The following SAMD4B variants were observed in gnomAD, a reference collection of about 807,000 sequenced individuals.
SAMD4B encodes sterile alpha motif domain containing 4B, also known as protein Smaug homolog 2.
SAMD4B carries 5 observed loss-of-function variants against 74.5 expected under a neutral mutation model. The ratio of observed to expected loss-of-function variants is 0.07; its 90% CI spans 0.04 to 0.14. SAMD4B has a LOEUF of 0.14. Among genes scored for constraint, SAMD4B ranks in the 10% least tolerant of loss-of-function variants. The pLI, the probability that SAMD4B is intolerant of heterozygous loss-of-function variation, is 1.00. For missense variants in SAMD4B, 608 were observed against 921.8 expected (o/e 0.66, Z 4.41); for synonymous variants, 373 against 374.9 (o/e 1.00, Z 0.06).
At position 39,385,431 on chromosome 19, in the gene SAMD4B, A is replaced by T. The variant is rs1251635084; in HGVS notation, c.*1904A>T. 5.1e-5 allele frequency: 21 copies of T among 408,122 alleles called. No individual in the cohort carries two copies. The highest frequency in any genetic ancestry group is 7.8e-5 in the Non-Finnish European group (18 of 231,450). The allele number at this position is 408,122 out of a possible 1,614,324, so 25.3% of individuals were successfully genotyped here. On this transcript the variant is annotated 3_prime_UTR_variant, in exon 14 of 14. Transcript: ENST00000610417. The stretch of plus-strand genomic sequence containing the variant: ...CACAGGGAGGCAAGAGCTGCCCCCC[A>T]CCCCACCTGACAGCAGAGTGTGCAG...
chr19:39,359,180 G>A (rs142171891), intron 3 of SAMD4B, among the ~76,000 whole-genome samples: 2 of 152,322 alleles, frequency 1.3e-5, no homozygotes, highest in African/African-American at 4.8e-5. Context: ...GGGGGCTCCT[G>A]TGGGGCAGGC....
downstream of SAMD4B, chr19:39,387,281 GGTATA>G (rs1308691184): frequency 1.5e-5 from 5 of 337,860 alleles, no homozygotes; most frequent in African/African-American, 1.0e-4. Flanking sequence ...ACATAGAAAA[GGTATA>G]GTAAAGATAC....
intron 1 of SAMD4B, among the ~76,000 whole-genome samples, chr19:39,344,393 C>G (rs1490807479): frequency 1.3e-5 from 2 of 151,976 alleles, no homozygotes; most frequent in Non-Finnish European, 2.9e-5. Flanking sequence ...AAACATCCCT[C>G]TGTCATCCCA....
At chr19:39,387,351 A>T (rs1485155886), downstream of SAMD4B, 1 of 198,146 alleles carries the variant, frequency 5.0e-6, no homozygotes, top group African/African-American at 2.3e-5. Flanking sequence ...TGAAACATGC[A>T]GTGCATTACT....
At chr19:39,351,755 T>C (rs1270186710) in intron 1 of SAMD4B, 1 of 151,618 alleles carries the variant, frequency 6.6e-6, no homozygotes, top group Non-Finnish European at 1.5e-5. Context: ...AGGTGGCAAC[T>C]GGTGACATCA....
At position 39,342,438 on chromosome 19, in the gene SAMD4B, C is replaced by CGCGACGGCGGCG. The variant is rs1219605058; in HGVS notation, c.-401_-390dup. ...GGTGACGCACGGCGCGGTGACGCAG[C>CGCGACGGCGGCG]GCGACGGCGGCGGCGGCGGCGGCGG... On this transcript the variant is annotated 5_prime_UTR_variant, in exon 1 of 14. Coordinates refer to ENST00000610417, the MANE Select transcript of SAMD4B (RefSeq NM_001384574.2). 49 of 178,186 alleles carry CGCGACGGCGGCG rather than the reference C, an allele frequency of 2.7e-4. No homozygotes were observed. The highest frequency in any genetic ancestry group is 1.1e-3 in the African/African-American group (45 of 41,492). 11.0% of individuals were successfully genotyped at this position (178,186 alleles called of 1,614,324 possible).
At chr19:39,348,845 G>C (rs1158300308) in intron 1 of SAMD4B, among the ~76,000 whole-genome samples, 1 of 152,136 alleles carries the variant, frequency 6.6e-6, no homozygotes, top group Non-Finnish European at 1.5e-5. Context: ...GATATATTTT[G>C]GGTGTACAGA....
rs1210407201 is a variant in SAMD4B at position 39,347,330 on chromosome 19, A to G, written c.-267+4754A>G. On this transcript the variant is annotated intron_variant, in intron 1 of 13. Coordinates refer to ENST00000610417, the MANE Select transcript of SAMD4B (RefSeq NM_001384574.2). ...AGTTTGAAAATAGTTTCTTCCTTGAATAGATGTGAGATTATGCCAGAAGAT... is the reference window on the plus strand; with the variant it reads ...AGTTTGAAAATAGTTTCTTCCTTGAGTAGATGTGAGATTATGCCAGAAGAT... Among the ~76,000 whole-genome samples, 11 of 152,196 alleles carry G rather than the reference A, an allele frequency of 7.2e-5. No homozygotes were observed. In the East Asian group the frequency reaches 1.5e-3, roughly 21 times the overall value.
chr19:39,362,736 TC>T (rs2076729196), intron 3 of SAMD4B, among the ~76,000 whole-genome samples: 1 of 152,036 alleles, frequency 6.6e-6, no homozygotes, highest in Admixed American at 6.6e-5. Context: ...GAATTCCACT[TC>T]CCTCCACTGT....
downstream of SAMD4B, among the ~76,000 whole-genome samples, chr19:39,390,642 C>T (rs1600617977): frequency 6.6e-6 from 1 of 152,162 alleles, no homozygotes; most frequent in Non-Finnish European, 1.5e-5. Context: ...AAGCCTAATC[C>T]CTGAACTGCA....
chr19:39,356,575 A>T (rs554255328), intron 2 of SAMD4B, 114 bp from the exon 3 acceptor site: 2 of 207,352 alleles, frequency 9.6e-6, no homozygotes, highest in Non-Finnish European at 1.9e-5. Flanking sequence ...GGAGCTCAGC[A>T]GAGCAAGTAC....
In SAMD4B at chr19:39,369,799, A is replaced by G. The variant is rs766741041; in HGVS notation, c.341A>G (p.Glu114Gly). 6.2e-7 allele frequency: 1 copy of G among 1,614,216 alleles called. No individual in the cohort carries two copies. The highest frequency in any genetic ancestry group is 1.1e-5 in the South Asian group (1 of 91,088). ...CAGAAAGTGCTGGCCTACTCAATCG[A>G]GAGCAATGCTTTCATCGAGGAGAGT... ...LLQKVLAYSI[E>G]SNAFIEESRQ... The change falls in exon 4 of 14, where the codon GAG becomes GGG. Residue 114 changes from glutamate to glycine, a missense_variant. By Grantham distance (98) the Glu-to-Gly change is moderately conservative. This residue lies in a region of SAMD4B where 74 missense variants were observed against 182.0 expected (regional missense o/e 0.41). Transcript: ENST00000610417.
intron 3 of SAMD4B, among the ~76,000 whole-genome samples, chr19:39,364,950 TC>T (rs1407472752): frequency 6.6e-6 from 1 of 151,628 alleles, no homozygotes; most frequent in East Asian, 1.9e-4. Context: ...GGTAAAAAGT[TC>T]CCCCCTGGCT....
Position 39,375,521 on chromosome 19 carries a change from G to T in SAMD4B, c.668-129G>T. 8.3e-7 allele frequency: 1 copy of T among 1,200,876 alleles called. No individual in the cohort carries two copies. The highest frequency in any genetic ancestry group is 1.2e-6 in the Non-Finnish European group (1 of 849,062). The allele number at this position is 1,200,876 out of a possible 1,614,324, so 74.4% of individuals were successfully genotyped here. A position where few individuals can be genotyped will look rare whatever the true frequency, so the allele number is the denominator to read the frequency against. On this transcript the variant is annotated intron_variant, in intron 4 of 13. Transcript: ENST00000610417. The surrounding 1 kb of genome is among the most constrained non-coding windows in gnomAD (Gnocchi z 4.1). ...GTATATCTGGTAGGCAGTTACCCTTGGACCCCAGGTCCCTTCCTCTTGGCA... is the reference window on the plus strand; with the variant it reads ...GTATATCTGGTAGGCAGTTACCCTTTGACCCCAGGTCCCTTCCTCTTGGCA...
intron 9 of SAMD4B, among the ~76,000 whole-genome samples, chr19:39,379,343 C>T (rs1200616935): frequency 6.6e-6 from 1 of 152,198 alleles, no homozygotes; most frequent in Non-Finnish European, 1.5e-5. Flanking sequence ...TTTCCTCCTC[C>T]TCACCCCTCA....
At chr19:39,386,376 C>G (rs763774888), downstream of SAMD4B, 5 of 1,614,180 alleles carry the variant, frequency 3.1e-6, no homozygotes. The surrounding 1 kb of genome is among the most constrained non-coding windows in gnomAD (Gnocchi z 6.1). Flanking sequence ...CTCCTTCTCA[C>G]TGCTGCTGCC....
chr19:39,359,544 A>G (rs551832916), intron 3 of SAMD4B, among the ~76,000 whole-genome samples: 15 of 152,162 alleles, frequency 9.9e-5, no homozygotes, highest in Non-Finnish European at 1.3e-4. Context: ...TCACTTACCA[A>G]TATGATTTGA....
intron 4 of SAMD4B, among the ~76,000 whole-genome samples, chr19:39,374,540 G>T (rs1328634483): frequency 6.6e-6 from 1 of 152,168 alleles, no homozygotes; most frequent in Non-Finnish European, 1.5e-5. Flanking sequence ...CTAGCAGGGG[G>T]TGTAGTTAAT....
At chr19:39,389,165 C>G, downstream of SAMD4B, 2 of 1,614,162 alleles carry the variant, frequency 1.2e-6, no homozygotes, top group Non-Finnish European at 1.7e-6. The surrounding 1 kb of genome is among the most constrained non-coding windows in gnomAD (Gnocchi z 5.3). Flanking sequence ...ATATTTCTTC[C>G]TCGGTAAACT....
Sources: gnomAD v4.1 joint callset for allele counts (sites outside exome capture counted in the v4.1 genomes callset) on GRCh38, gnomAD v4.1.1 for gene constraint, gnomAD v4.1.1 regional missense constraint, Gnocchi (gnomAD v3.1) non-coding constraint, MANE v1.5 for transcripts, NCBI Gene and HGNC (gene_info 2026-07-23, HGNC 2026-07-21) for gene names.